Variants in CERS3 observed in about 807,000 individuals in gnomAD.
CERS3 encodes ceramide synthase 3, also known as LAG1 homolog, ceramide synthase 3.
Under a neutral mutation model 50.3 loss-of-function variants are expected in CERS3, and 33 were observed. That is an observed-to-expected ratio of 0.66 (90% CI 0.50 to 0.88). The LOEUF (loss-of-function observed/expected upper bound fraction) is 0.88. Ranked by LOEUF, CERS3 falls within the 40% of genes least tolerant of loss-of-function variation. The probability of loss-of-function intolerance (pLI) is 0.00; values close to 1 mark genes in which losing one functional copy is unlikely to be tolerated. For missense variants in CERS3, 470 were observed against 460.3 expected (o/e 1.02, Z -0.19); for synonymous variants, 176 against 155.2 (o/e 1.13, Z -0.99).
intron 4 of CERS3, among the ~76,000 whole-genome samples, chr15:100,486,375 T>C (rs1249479150): frequency 6.6e-6 from 1 of 152,204 alleles, no homozygotes; most frequent in Non-Finnish European, 1.5e-5. Flanking sequence ...TATGTAGGCG[T>C]AAGCACCGCA....
At chr15:100,446,701 T>C (rs549133676) in intron 11 of CERS3, among the ~76,000 whole-genome samples, 1 of 152,308 alleles carries the variant, frequency 6.6e-6, no homozygotes, top group South Asian at 2.1e-4. Context: ...CAAAAGATCC[T>C]TAATGAAAAC....
intron 9 of CERS3, among the ~76,000 whole-genome samples, chr15:100,471,420 G>A (rs1360871479): frequency 6.6e-6 from 1 of 152,152 alleles, no homozygotes; most frequent in Non-Finnish European, 1.5e-5. Context: ...TGGGGAGGGT[G>A]GCAGGGCAAC....
At chr15:100,466,772 CCTT>C (rs2034736366) in intron 10 of CERS3, among the ~76,000 whole-genome samples, 1 of 27,592 alleles carries the variant, frequency 3.6e-5, no homozygotes, top group African/African-American at 8.3e-5. Flanking sequence ...TTCCTTCCTT[CCTT>C]CCTTCCTTCC....
intron 3 of CERS3, among the ~76,000 whole-genome samples, chr15:100,498,896 G>C (rs1181676019): frequency 6.6e-6 from 1 of 152,102 alleles, no homozygotes; most frequent in African/African-American, 2.4e-5. Context: ...TGTGTTTTTT[G>C]TTTTTATGTG....
chr15:100,412,313 C>T lies in CERS3; in HGVS notation c.1000-9448G>A, dbSNP rs554751616. On this transcript the variant is annotated intron_variant, in intron 11 of 11. Coordinates refer to ENST00000679737, the MANE Select transcript of CERS3 (RefSeq NM_001378789.1). The stretch of plus-strand genomic sequence containing the variant: ...ATTCAGTTTTCCCAGCACCATTTGT[C>T]GAAAAGACTCCCCATTGAATGGTCT... Among the ~76,000 whole-genome samples the T allele has an allele frequency of 1.5e-4, 23 of 152,138 alleles. No individual in the cohort carries two copies. The Middle Eastern group carries it at 0.01, about 67-fold the overall frequency.
At chr15:100,436,762 AAAG>A (rs2033427411) in intron 11 of CERS3, among the ~76,000 whole-genome samples, 1 of 151,518 alleles carries the variant, frequency 6.6e-6, no homozygotes, top group South Asian at 2.1e-4. Context: ...AGTACAAAAA[AAAG>A]AGATTGTTTT....
intron 4 of CERS3, 151 bp from the exon 5 acceptor site, chr15:100,484,819 T>C (rs2035439562): frequency 1.6e-6 from 1 of 636,560 alleles, no homozygotes; most frequent in Non-Finnish European, 2.8e-6. Context: ...TTACCTCTTT[T>C]GCTTATGGAA....
chr15:100,462,988 G>A (rs988604536), intron 10 of CERS3, among the ~76,000 whole-genome samples: 1 of 152,236 alleles, frequency 6.6e-6, no homozygotes, highest in East Asian at 1.9e-4. Flanking sequence ...ATTACTTAGG[G>A]CACAAGGAAT....
intron 2 of CERS3, among the ~76,000 whole-genome samples, chr15:100,515,677 G>A (rs2142370906): frequency 6.6e-6 from 1 of 152,198 alleles, no homozygotes; most frequent in Admixed American, 6.5e-5. Context: ...TTCAAAAAAA[G>A]GGGTCCAAGG....
chr15:100,456,333 C>T (rs892989780), intron 10 of CERS3, among the ~76,000 whole-genome samples: 1 of 152,028 alleles, frequency 6.6e-6, no homozygotes, highest in East Asian at 1.9e-4. Context: ...TTTTTTCAAA[C>T]AAAAGCATAC....
Position 100,484,599 on chromosome 15 carries a change from G to A in CERS3, c.358C>T (p.Arg120Trp), listed in dbSNP as rs563311139. The change falls in exon 5 of 12, where the codon CGG becomes TGG. Residue 120 changes from arginine to tryptophan, a missense_variant. Physicochemically the swap from Arg to Trp is moderately radical, Grantham distance 101. Transcript: ENST00000679737. Reference sequence around the variant, plus strand: ...CTGGAAGGCCTCTCTTGATTCCGCCGACTCCTAAACCATCTTTCCACCTGG... The same window carrying A: ...CTGGAAGGCCTCTCTTGATTCCGCCAACTCCTAAACCATCTTTCCACCTGG... The part of the protein sequence containing the change: ...ERQVERWFRS[R>W]RNQERPSRLK... 2.2e-5 allele frequency: 36 copies of A among 1,613,962 alleles called. No individual in the cohort carries two copies. In the Middle Eastern group the frequency reaches 4.9e-4, roughly 22 times the overall value.
chr15:100,449,985 A>T (rs1361597703), intron 11 of CERS3, among the ~76,000 whole-genome samples: 2 of 152,210 alleles, frequency 1.3e-5, no homozygotes, highest in Non-Finnish European at 2.9e-5. Flanking sequence ...TAAACAATAC[A>T]AGGAAATCAG....
At chr15:100,410,440 G>A (rs1567590065) in intron 11 of CERS3, among the ~76,000 whole-genome samples, 1 of 152,244 alleles carries the variant, frequency 6.6e-6, no homozygotes, top group South Asian at 2.1e-4. Context: ...AACACACCAG[G>A]AGAAACTGAA....
intron 4 of CERS3, among the ~76,000 whole-genome samples, chr15:100,487,280 A>C (rs1260656603): frequency 6.6e-6 from 1 of 152,264 alleles, no homozygotes; most frequent in Non-Finnish European, 1.5e-5. Context: ...TGACAGGCAC[A>C]AAGTTAATGG....
intron 1 of CERS3, among the ~76,000 whole-genome samples, chr15:100,534,323 C>T (rs1487952402): frequency 4.6e-5 from 7 of 152,152 alleles, no homozygotes; most frequent in Non-Finnish European, 1.5e-5. Context: ...CCTCAGGTTT[C>T]TCAACTGCAA....
chr15:100,521,187 T>C (rs9806575), intron 2 of CERS3, among the ~76,000 whole-genome samples: 2,063 of 152,306 alleles, frequency 0.014, 55 homozygotes, highest in African/African-American at 0.047. Flanking sequence ...AGTCAATATT[T>C]GCGAACATGC....
intron 11 of CERS3, among the ~76,000 whole-genome samples, chr15:100,442,265 G>A (rs2033713924): frequency 6.6e-6 from 1 of 152,108 alleles, no homozygotes; most frequent in Non-Finnish European, 1.5e-5. Context: ...AAGGTCAAAA[G>A]GGCCGTCTTA....
intron 3 of CERS3, among the ~76,000 whole-genome samples, chr15:100,494,845 C>T (rs539862704): frequency 1.3e-5 from 2 of 152,330 alleles, no homozygotes; most frequent in East Asian, 3.9e-4. Flanking sequence ...TAGCCATGAA[C>T]ATGCATTAAC....
chr15:100,508,935 A>C (rs2036260101), intron 2 of CERS3, among the ~76,000 whole-genome samples: 3 of 152,180 alleles, frequency 2.0e-5, no homozygotes, highest in Admixed American at 1.3e-4. Flanking sequence ...AAAAAATCTG[A>C]GGCTATTTTT....
Sources: allele counts gnomAD v4.1 joint callset (sites outside exome capture counted in the v4.1 genomes callset), GRCh38; gene constraint gnomAD v4.1.1; transcripts MANE v1.5; gene names NCBI Gene and HGNC (gene_info 2026-07-23, HGNC 2026-07-21).